The following SPRED2 variants were observed in gnomAD, a reference collection of about 807,000 sequenced individuals.
The protein encoded by SPRED2 is sprouty-related, EVH1 domain-containing protein 2.
In SPRED2, 47 loss-of-function variants were observed where a neutral mutation model predicts 43.0. The ratio of observed to expected loss-of-function variants is 1.09; its 90% CI spans 0.87 to 1.40. The LOEUF (loss-of-function observed/expected upper bound fraction) is 1.40. SPRED2 is among the 40% of genes most tolerant of loss of function. SPRED2 has a pLI of 0.00. For synonymous variants in SPRED2, 225 were observed against 225.7 expected (o/e 1.00, Z 0.03); for missense variants, 561 against 586.4 (o/e 0.96, Z 0.45).
At chr2:65,400,533 G>A (rs939144772) in intron 1 of SPRED2, among the ~76,000 whole-genome samples, 9 of 152,170 alleles carry the variant, frequency 5.9e-5, no homozygotes, top group African/African-American at 2.2e-4. Flanking sequence ...TGGGGTACAG[G>A]TGGCATTTGG....
At chr2:65,364,873 G>T (rs1385577044) in intron 1 of SPRED2, among the ~76,000 whole-genome samples, 2 of 152,202 alleles carry the variant, frequency 1.3e-5, no homozygotes, top group Admixed American at 1.3e-4. Context: ...TTTTTCTAAT[G>T]AATTTGATAA....
chr2:65,374,613 C>G (rs1675197052), intron 1 of SPRED2, among the ~76,000 whole-genome samples: 1 of 152,202 alleles, frequency 6.6e-6, no homozygotes, highest in Non-Finnish European at 1.5e-5. Flanking sequence ...TGAGAATTCT[C>G]AGGTGGCAGG....
chr2:65,401,937 GCACACACACACA>G lies in SPRED2; in HGVS notation c.26+30013_26+30024del, dbSNP rs1553426622. Among the ~76,000 whole-genome samples, 244 of 114,762 alleles carry G rather than the reference GCACACACACACA, an allele frequency of 2.1e-3. 3 individuals carry two copies. The highest frequency in any genetic ancestry group is 6.0e-3 in the Admixed American group (74 of 12,302). The allele number at this position is 114,762 out of a possible 152,430, so 75.3% of individuals were successfully genotyped here. On this transcript the variant is annotated intron_variant, in intron 1 of 5. Transcript: ENST00000356388. ...ACGATCAGAATATTAGCGCGCGCGCGCACACACACACACACACACACACACACACACACACAC... is the reference window on the plus strand; with the variant it reads ...ACGATCAGAATATTAGCGCGCGCGCGCACACACACACACACACACACACAC...
rs1012916161 is a variant in SPRED2, at chr2:65,390,470, C to A, written c.26+41492G>T. ...GCATCGTTACTGTTGAGAGAGGCAGCAAGAGGAGAGGCTGGAGTCGGGGAT... is the reference window on the plus strand; with the variant it reads ...GCATCGTTACTGTTGAGAGAGGCAGAAAGAGGAGAGGCTGGAGTCGGGGAT... On this transcript the variant is annotated intron_variant, in intron 1 of 5. Transcript: ENST00000356388. Among the ~76,000 whole-genome samples, 54 of 152,242 alleles carry A rather than the reference C, an allele frequency of 3.5e-4. 1 individual carries two copies. The highest frequency in any genetic ancestry group is 3.4e-3 in the Middle Eastern group (1 of 294).
intron 1 of SPRED2, among the ~76,000 whole-genome samples, chr2:65,368,811 G>C (rs932022178): frequency 5.9e-5 from 9 of 152,224 alleles, no homozygotes; most frequent in East Asian, 1.9e-4. Flanking sequence ...ATTGGGTGCA[G>C]TGGCTCATGC....
chr2:65,331,203 C>T (rs1673802826), intron 4 of SPRED2, among the ~76,000 whole-genome samples: 1 of 152,066 alleles, frequency 6.6e-6, no homozygotes, highest in Non-Finnish European at 1.5e-5. Flanking sequence ...ACTGCTTGAG[C>T]CCAGGAGTTC....
intron 1 of SPRED2, among the ~76,000 whole-genome samples, chr2:65,392,347 T>G (rs925476030): frequency 1.3e-5 from 2 of 151,962 alleles, no homozygotes; most frequent in African/African-American, 4.8e-5. Flanking sequence ...CCTGGCTAAT[T>G]TTAATTTTTG....
chr2:65,324,338 G>A (rs1449049781), intron 4 of SPRED2, among the ~76,000 whole-genome samples: 2 of 152,116 alleles, frequency 1.3e-5, no homozygotes, highest in East Asian at 1.9e-4. Flanking sequence ...ATGTTATGAT[G>A]GCTTGACAAT....
At chr2:65,347,241 C>T (rs1674377358) in intron 1 of SPRED2, among the ~76,000 whole-genome samples, 1 of 152,062 alleles carries the variant, frequency 6.6e-6, no homozygotes, top group African/African-American at 2.4e-5. Flanking sequence ...TGCTTGTTGC[C>T]ATTGCCTGGC....
intron 2 of SPRED2, among the ~76,000 whole-genome samples, chr2:65,340,311 G>C (rs1674140701): frequency 2.6e-5 from 4 of 152,168 alleles, no homozygotes; most frequent in African/African-American, 9.7e-5. Flanking sequence ...GTGTGTTTAA[G>C]TCTTTTTCTA....
intron 1 of SPRED2, among the ~76,000 whole-genome samples, chr2:65,404,786 AAT>A: frequency 6.6e-6 from 1 of 152,320 alleles, no homozygotes; most frequent in Admixed American, 6.5e-5. Context: ...GTTTCTTACA[AAT>A]GAGGGCACAG....
chr2:65,388,821 A>G (rs552204106), intron 1 of SPRED2, among the ~76,000 whole-genome samples: 12 of 152,256 alleles, frequency 7.9e-5, no homozygotes, highest in Middle Eastern at 3.4e-3. Flanking sequence ...TTCATATTAT[A>G]AAGGCCCTAT....
At chr2:65,415,460 A>G (rs1409280929) in intron 1 of SPRED2, among the ~76,000 whole-genome samples, 1 of 152,232 alleles carries the variant, frequency 6.6e-6, no homozygotes, top group Non-Finnish European at 1.5e-5. Flanking sequence ...GTTAAAAAAA[A>G]AAAAATTCAA....
At position 65,339,453 on chromosome 2, in the gene SPRED2, T is replaced by G. The variant is rs555360554; in HGVS notation, c.205-4680A>C. Reference sequence around the variant, plus strand: ...CCAACCCTGTGCTCTCTGAAACATGTGCTGTGTCCACTCAGGGTTAAATGG... The same window carrying G: ...CCAACCCTGTGCTCTCTGAAACATGGGCTGTGTCCACTCAGGGTTAAATGG... On this transcript the variant is annotated intron_variant, in intron 2 of 5. Coordinates refer to ENST00000356388, the MANE Select transcript of SPRED2 (RefSeq NM_181784.3). 7.0e-3 allele frequency among the ~76,000 whole-genome samples: 1,065 copies of G among 151,428 alleles called. 14 individuals are homozygous for G. Among genetic ancestry groups the G allele is most frequent in the African/African-American group, 0.025 (1,032 of 41,228 alleles).
At chr2:65,423,746 G>A (rs1351488467) in intron 1 of SPRED2, among the ~76,000 whole-genome samples, 1 of 149,204 alleles carries the variant, frequency 6.7e-6, no homozygotes, top group Non-Finnish European at 1.5e-5. Context: ...GTGCTAAAAT[G>A]TTTTACCAAG....
At position 65,334,595 on chromosome 2, in the gene SPRED2, A is replaced by G; in HGVS notation, c.373+10T>C. Reference sequence around the variant, plus strand: ...TAGTCCCACTAAGAATGCAGCGACAAGTTCAATACCTTCTATAAGGTCTTC... The same window carrying G: ...TAGTCCCACTAAGAATGCAGCGACAGGTTCAATACCTTCTATAAGGTCTTC... On this transcript the variant is annotated intron_variant, in intron 3 of 5. Transcript: ENST00000356388. 1 of 1,611,588 alleles carries G rather than the reference A, an allele frequency of 6.2e-7. No homozygotes were observed. The highest frequency in any genetic ancestry group is 1.7e-5 in the Admixed American group (1 of 59,666).
rs935026182 is a variant in SPRED2 at position 65,334,702 on chromosome 2, C to T, written c.276G>A (p.Lys92=). 3 of 1,614,234 alleles carry T rather than the reference C, an allele frequency of 1.9e-6. No individual in the cohort carries two copies. The highest frequency in any genetic ancestry group is 1.3e-5 in the African/African-American group (1 of 75,068). The part of the protein sequence containing the change: ...TKANPTFHHW[K]VDNRKFGLTF... ...TAAGTCCAAACTTCCTATTATCGAC[C>T]TTCCAGTGATGAAACGTTGGATTGG... Residue 92 remains lysine, a synonymous_variant, in exon 3 of 6, where the codon AAG becomes AAA. Coordinates refer to ENST00000356388, the MANE Select transcript of SPRED2 (RefSeq NM_181784.3).
chr2:65,320,045 C>T (rs144744593), intron 4 of SPRED2, among the ~76,000 whole-genome samples: 11 of 152,318 alleles, frequency 7.2e-5, no homozygotes, highest in African/African-American at 2.6e-4. Flanking sequence ...CTGCTGTATA[C>T]AAACCCAGGA....
chr2:65,405,105 A>G (rs1558686938), intron 1 of SPRED2, among the ~76,000 whole-genome samples: 2 of 152,386 alleles, frequency 1.3e-5, no homozygotes, highest in African/African-American at 4.8e-5. Context: ...TGTGCCAAGC[A>G]TTAGCTCATC....
Sources: gnomAD v4.1 joint callset for allele counts (sites outside exome capture counted in the v4.1 genomes callset) on GRCh38, gnomAD v4.1.1 for gene constraint, MANE v1.5 for transcripts, NCBI Gene and HGNC (gene_info 2026-07-23, HGNC 2026-07-21) for gene names.